The following MUC5B variants were observed in gnomAD, a reference collection of about 807,000 sequenced individuals.
MUC5B encodes mucin 5B, oligomeric mucus/gel-forming, also known as mucin-5B.
In MUC5B, 116 loss-of-function variants were observed where a neutral mutation model predicts 376.9. The observed-to-expected ratio is 0.31, with a 90% CI of 0.26 to 0.36. The LOEUF (loss-of-function observed/expected upper bound fraction) is 0.36. Among genes scored for constraint, MUC5B ranks in the 10% least tolerant of loss-of-function variants. MUC5B has a pLI of 1.00. For synonymous variants in MUC5B, 3,517 were observed against 3,390.9 expected, an observed-to-expected ratio of 1.04 and a Z score of -1.29; for missense variants, 7,165 against 7,769.9, an observed-to-expected ratio of 0.92 and a Z score of 2.93.
rs781462018 is a variant in MUC5B at position 1,246,027 on chromosome 11, C to T, written c.9147C>T (p.Thr3049=). 9 of 1,612,924 alleles carry T rather than the reference C, an allele frequency of 5.6e-6. No individual in the cohort carries two copies. The highest frequency in any genetic ancestry group is 1.7e-6 in the Non-Finnish European group (2 of 1,179,580). ...ATSSSSPRTA[T]TLPVLTSTAT... The stretch of plus-strand genomic sequence containing the variant: ...CCTCCTCCAGTCCAAGGACTGCAAC[C>T]ACCCTTCCAGTGCTGACAAGCACAG... Residue 3049 remains threonine, a synonymous_variant, in exon 31 of 49, where the codon ACC becomes ACT. Coordinates refer to ENST00000529681, the MANE Select transcript of MUC5B (RefSeq NM_002458.3).
intron 6 of MUC5B, 64 bp downstream of exon 6, chr11:1,227,462 C>T (rs958162012): frequency 2.5e-5 from 33 of 1,316,132 alleles, no homozygotes; most frequent in South Asian, 7.5e-5. Context: ...GCCACAGTCC[C>T]GGGGAGGCCG....
In MUC5B at chr11:1,225,682, G is replaced by A; in HGVS notation, c.72G>A (p.Glu24=). Reference sequence around the variant, plus strand: ...GACTCCCATTCCCTCTTCCCACAGAGACCCAGGGCCCTGTGGAGCCGAGCT... The same window carrying A: ...GACTCCCATTCCCTCTTCCCACAGAAACCCAGGGCCCTGTGGAGCCGAGCT... ...LAAMLVVPQA[E]TQGPVEPSWE... is the part of the protein sequence containing the mutation. Residue 24 remains glutamate (E), a splice_region_variant and synonymous_variant, in exon 2 of 49, where the codon GAG becomes GAA. Coordinates refer to ENST00000529681, the MANE Select transcript of MUC5B (RefSeq NM_002458.3). 1.2e-6 allele frequency: 2 copies of A among 1,601,322 alleles called. No individual in the cohort carries two copies. The highest frequency in any genetic ancestry group is 1.7e-6 in the Non-Finnish European group (2 of 1,174,628).
At chr11:1,227,867 A>G in intron 7 of MUC5B, 86 bp downstream of exon 7, 2 of 639,612 alleles carry the variant, frequency 3.1e-6, no homozygotes, top group Non-Finnish European at 5.8e-6. Context: ...GAATGTTCCC[A>G]GCTGGTGGAG....
chr11:1,227,555 G>A (rs895304178), intron 6 of MUC5B, 120 bp from the exon 7 acceptor site: 13 of 678,742 alleles, frequency 1.9e-5, no homozygotes, highest in African/African-American at 1.4e-4. Context: ...AGTGCCCCTC[G>A]GGGGTGTTGG....
In MUC5B at chr11:1,248,302, C is replaced by G. The variant is rs371594853; in HGVS notation, c.11422C>G (p.Arg3808Gly). ...PSSSLGTTWT[R>G]LSQTTTPTAT... ...CTCCTCCCTGGGCACCACCTGGACC[C>G]GCCTATCACAGACCACCACACCCAC... The change falls in exon 31 of 49, where the codon CGC becomes GGC. Residue 3808 changes from arginine to glycine, a missense_variant. Coordinates refer to ENST00000529681, the MANE Select transcript of MUC5B (RefSeq NM_002458.3). 19 of 1,601,156 alleles carry G rather than the reference C, an allele frequency of 1.2e-5. No individual in the cohort carries two copies. Among genetic ancestry groups the G allele is most frequent in the Non-Finnish European group, 1.6e-5 (19 of 1,171,466 alleles).
chr11:1,223,130 GC>G lies in MUC5B; in HGVS notation c.11del (p.Pro4ArgfsTer50). On this transcript the variant is annotated frameshift_variant, in exon 1 of 49. Transcript: ENST00000529681. LOFTEE classifies it high-confidence loss of function. ...ACCCGTGCCAGCCCCCAGGATGGGTGCCCCGAGCGCGTGCCGGACGCTGGTG... is the reference window on the plus strand; with the variant it reads ...ACCCGTGCCAGCCCCCAGGATGGGTGCCCGAGCGCGTGCCGGACGCTGGTG... The part of the protein sequence containing the change: MG[A>X]PSACRTLVLA... 2.8e-6 allele frequency: 2 copies of G among 704,348 alleles called. No individual in the cohort carries two copies. The allele number at this position is 704,348 out of a possible 1,614,324, so 43.6% of individuals were successfully genotyped here.
rs1325903489 is a variant in MUC5B at position 1,259,077 on chromosome 11, C to T, written c.16713+16C>T. 3 of 1,543,940 alleles carry T rather than the reference C, an allele frequency of 1.9e-6. No homozygotes were observed. Among genetic ancestry groups the T allele is most frequent in the African/African-American group, 1.4e-5 (1 of 72,956 alleles). On this transcript the variant is annotated intron_variant, in intron 44 of 48. Transcript: ENST00000529681. ...CTGTCCCCAGGTGAGACCCGAGGCACCTGCCCCCAGGTGAGCCCCCGAGGC... is the reference window on the plus strand; with the variant it reads ...CTGTCCCCAGGTGAGACCCGAGGCATCTGCCCCCAGGTGAGCCCCCGAGGC...
Position 1,234,429 on chromosome 11 carries a change from C to T in MUC5B, c.2479-100C>T, listed in dbSNP as rs994607841. ...CCTGGAAGCTCCGCCCTGGCCCATG[C>T]GTTGCCCTGGGTGCTGCTGGGTGCG... is the stretch of plus-strand genomic sequence containing the variant. On this transcript the variant is annotated intron_variant, in intron 20 of 48. Transcript: ENST00000529681. This position sits in a 1 kb window ranked among gnomAD's most constrained non-coding sequence, Gnocchi z 6.3. 2.9e-5 allele frequency: 43 copies of T among 1,501,952 alleles called. No individual in the cohort carries two copies. Among genetic ancestry groups the T allele is most frequent in the Non-Finnish European group, 3.6e-5 (40 of 1,111,214 alleles). 93.0% of individuals were successfully genotyped at this position (1,501,952 alleles called of 1,614,324 possible).
intron 23 of MUC5B, 52 bp downstream of exon 23, chr11:1,235,465 G>T (rs778979590): frequency 4.7e-6 from 7 of 1,496,476 alleles, no homozygotes; most frequent in South Asian, 1.2e-5. Flanking sequence ...CAACGAGCCG[G>T]CCCCCAGGGA....
Position 1,247,906 on chromosome 11 carries a change from G to A in MUC5B, c.11026G>A (p.Ala3676Thr), listed in dbSNP as rs1203276607. The A allele has an allele frequency of 1.9e-6, 3 of 1,611,644 alleles. No individual in the cohort carries two copies. Among genetic ancestry groups the A allele is most frequent in the Non-Finnish European group, 2.5e-6 (3 of 1,178,948 alleles). ...CTACGGCCACTGCCCCAGCACCCCG[G>A]CCACCAGCTCTACGGCCACGCCCTC... The part of the protein sequence containing the change: ...CNYGHCPSTP[A>T]TSSTATPSST... The change falls in exon 31 of 49, where the codon GCC becomes ACC. Residue 3676 changes from alanine to threonine, a missense_variant. By Grantham distance (58) the Ala-to-Thr change is moderately conservative. Transcript: ENST00000529681.
Position 1,251,590 on chromosome 11 carries a change from C to T in MUC5B, c.14710C>T (p.Arg4904Cys), listed in dbSNP as rs760400947. 3.7e-5 allele frequency: 60 copies of T among 1,612,988 alleles called. No individual in the cohort carries two copies. The East Asian group carries it at 1.0e-3, about 28-fold the overall frequency. Residue 4904 changes from arginine to cysteine, a missense_variant, in exon 31 of 49, where the codon CGC (arginine) becomes TGC (cysteine). Arg to Cys is a radical substitution (Grantham distance 180). Around this residue, in one of 31 missense-constraint regions of MUC5B, gnomAD observed 730 missense variants for 592.7 expected, o/e 1.23. Transcript: ENST00000529681. ...VPSSSTVGTTRTPAVLPSSLP... is the reference protein window; with the variant it reads ...VPSSSTVGTTCTPAVLPSSLP... ...CAGCTCGTCCACCGTGGGGACCACCCGCACCCCTGCAGTGCTCCCCAGCAG... is the reference window on the plus strand; with the variant it reads ...CAGCTCGTCCACCGTGGGGACCACCTGCACCCCTGCAGTGCTCCCCAGCAG...
In MUC5B at chr11:1,239,585, T is replaced by C; in HGVS notation, c.3583+19T>C. 6.5e-7 allele frequency: 1 copy of C among 1,547,100 alleles called. No homozygotes were observed. The highest frequency in any genetic ancestry group is 8.7e-7 in the Non-Finnish European group (1 of 1,144,006). ...CTGGAAGGTGAGGGGCAGCCTTTCT[T>C]GGATGGAGCCTCCTCTCCTTGGGTT... is the stretch of plus-strand genomic sequence containing the variant. On this transcript the variant is annotated intron_variant, in intron 27 of 48. Coordinates refer to ENST00000529681, the MANE Select transcript of MUC5B (RefSeq NM_002458.3).
At position 1,233,076 on chromosome 11, in the gene MUC5B, C is replaced by T. The variant is rs545128715; in HGVS notation, c.2129C>T (p.Pro710Leu). ...RYAYVVDACQ[P>L]TCRGLSEADV... Reference sequence around the variant, plus strand: ...GCCTACGTGGTGGATGCCTGCCAGCCCACTTGCCGCGGCCTGAGTGAGGCC... The same window carrying T: ...GCCTACGTGGTGGATGCCTGCCAGCTCACTTGCCGCGGCCTGAGTGAGGCC... The change falls in exon 18 of 49, where the codon CCC (proline) becomes CTC (leucine). Residue 710 changes from proline to leucine, a missense_variant. Physicochemically the swap from Pro to Leu is moderately conservative, Grantham distance 98. This residue lies in a region of MUC5B where 530 missense variants were observed against 604.0 expected (regional missense o/e 0.88). Transcript: ENST00000529681. 45 of 1,606,808 alleles carry T rather than the reference C, an allele frequency of 2.8e-5. No homozygotes were observed. The South Asian group carries it at 4.9e-4, about 17-fold the overall frequency.
Position 1,230,620 on chromosome 11 carries a change from C to T in MUC5B, c.1470+20C>T. On this transcript the variant is annotated intron_variant, in intron 12 of 48. Coordinates refer to ENST00000529681, the MANE Select transcript of MUC5B (RefSeq NM_002458.3). ...GACACGGTGAGGACCTGGCTGGGGC[C>T]CTGGGCTGGGACAGGAAGAGGCATG... 1.3e-6 allele frequency: 2 copies of T among 1,589,872 alleles called. No individual in the cohort carries two copies. The highest frequency in any genetic ancestry group is 1.7e-6 in the Non-Finnish European group (2 of 1,166,888).
rs550792377 is a variant in MUC5B, at chr11:1,255,443, C to T, written c.15951C>T (p.Ser5317=). Residue 5317 remains serine, a synonymous_variant, in exon 37 of 49, where the codon AGC becomes AGT. Coordinates refer to ENST00000529681, the MANE Select transcript of MUC5B (RefSeq NM_002458.3). ...PPGPFFNACI[S]DHCRGRLEVP... ...GCCCATTCTTCAACGCCTGCATCAG[C>T]GACCACTGCAGGGGCCGCCTTGAGG... is the stretch of plus-strand genomic sequence containing the variant. 2.6e-5 allele frequency: 41 copies of T among 1,603,490 alleles called. No homozygotes were observed. The South Asian group carries it at 2.9e-4, about 11-fold the overall frequency.
Position 1,234,696 on chromosome 11 carries a change from C to T in MUC5B, c.2630+16C>T. The T allele has an allele frequency of 8.1e-7, 1 of 1,240,566 alleles. No homozygotes were observed. The highest frequency in any genetic ancestry group is 1.1e-6 in the Non-Finnish European group (1 of 943,112). The allele number at this position is 1,240,566 out of a possible 1,614,324, so 76.8% of individuals were successfully genotyped here. ...GCAACACCTGGTGGGTCGTGAGTCT[C>T]TCGGAGGCAGCAGGTGGGGAGGGCG... On this transcript the variant is annotated intron_variant, in intron 21 of 48. Transcript: ENST00000529681. The surrounding 1 kb of genome is among the most constrained non-coding windows in gnomAD (Gnocchi z 6.3).
At position 1,246,839 on chromosome 11, in the gene MUC5B, C is replaced by G; in HGVS notation, c.9959C>G (p.Pro3320Arg). Residue 3320 changes from proline to arginine, a missense_variant, in exon 31 of 49, where the codon CCC (proline) becomes CGC (arginine). Coordinates refer to ENST00000529681, the MANE Select transcript of MUC5B (RefSeq NM_002458.3). ...ACAACCACGGGCTTCACAGCCACCC[C>G]CTCCTCCAGCCCAGGGACGGCACTC... The part of the protein sequence containing the change: ...TTTTTGFTAT[P>R]SSSPGTALTP... 2 of 1,610,638 alleles carry G rather than the reference C, an allele frequency of 1.2e-6. No homozygotes were observed. Among genetic ancestry groups the G allele is most frequent in the South Asian group, 1.1e-5 (1 of 90,964 alleles).
In MUC5B at chr11:1,255,027, G is replaced by T. The variant is rs754363041; in HGVS notation, c.15665-14G>T. 1 of 1,574,824 alleles carries T rather than the reference G, an allele frequency of 6.3e-7. No individual in the cohort carries two copies. The highest frequency in any genetic ancestry group is 1.3e-5 in the African/African-American group (1 of 74,108). ...CCCCAGATTCCAGCCCCGCGGTGAC[G>T]CCCCCACTCCCAGGCACCTGCACCA... On this transcript the variant is annotated splice_polypyrimidine_tract_variant and intron_variant, in intron 35 of 48. Transcript: ENST00000529681.
At chr11:1,226,444 G>A (rs1024422202) in intron 3 of MUC5B, 168 bp downstream of exon 3, 1 of 1,259,848 alleles carries the variant, frequency 7.9e-7, no homozygotes, top group Admixed American at 2.0e-5. Context: ...GGATGGGGAC[G>A]GGTCAGGGGT....
Sources: gnomAD v4.1 joint callset for allele counts on GRCh38, gnomAD v4.1.1 for gene constraint, gnomAD v4.1.1 regional missense constraint, Gnocchi (gnomAD v3.1) non-coding constraint, MANE v1.5 for transcripts, NCBI Gene and HGNC (gene_info 2026-07-23, HGNC 2026-07-21) for gene names.